Variants in MTUS2 observed in about 807,000 individuals in gnomAD.
MTUS2 encodes the protein microtubule-associated tumor suppressor candidate 2.
A neutral mutation model predicts 114.1 loss-of-function variants in MTUS2; 40 were observed. That is an observed-to-expected ratio of 0.35 (90% CI 0.27 to 0.46). MTUS2 has a LOEUF of 0.46. Ranked by LOEUF, MTUS2 falls within the 20% of genes least tolerant of loss-of-function variation. The probability of loss-of-function intolerance (pLI) is 1.00; values close to 1 mark genes in which losing one functional copy is unlikely to be tolerated. For synonymous variants in MTUS2, 688 were observed against 672.0 expected, an observed-to-expected ratio of 1.02 and a Z score of -0.37; for missense variants, 1,679 against 1,705.4, an observed-to-expected ratio of 0.98 and a Z score of 0.27.
chr13:29,499,204 G>A (rs902913969), intron 14 of MTUS2, among the ~76,000 whole-genome samples: 3 of 152,022 alleles, frequency 2.0e-5, no homozygotes, highest in Non-Finnish European at 2.9e-5. Context: ...ACCCACACTC[G>A]CCCACCTCAG....
intron 6 of MTUS2, among the ~76,000 whole-genome samples, chr13:29,321,363 T>A (rs955641831): frequency 2.0e-5 from 3 of 152,176 alleles, no homozygotes; most frequent in African/African-American, 7.2e-5. Context: ...AGGGATCTCA[T>A]TGAGTGAAAC....
At chr13:29,122,890 A>T (rs1891369382) in intron 5 of MTUS2, among the ~76,000 whole-genome samples, 1 of 152,236 alleles carries the variant, frequency 6.6e-6, no homozygotes, top group Non-Finnish European at 1.5e-5. Context: ...TCATTCCAGG[A>T]GGGAATTTTT....
At chr13:28,867,655 G>T (rs1001448230) in intron 2 of MTUS2, among the ~76,000 whole-genome samples, 39 of 152,118 alleles carry the variant, frequency 2.6e-4, no homozygotes, top group African/African-American at 8.0e-4. Flanking sequence ...ATAATAATAA[G>T]AATATTGGAA....
At chr13:29,492,512 C>A (rs1051141856) in intron 11 of MTUS2, 134 bp from the exon 12 acceptor site, 1 of 626,988 alleles carries the variant, frequency 1.6e-6, no homozygotes, top group Non-Finnish European at 2.8e-6. Flanking sequence ...GTGGAGGAGT[C>A]CCCTTAGGCT....
intron 5 of MTUS2, among the ~76,000 whole-genome samples, chr13:29,146,812 G>A (rs1237549810): frequency 6.6e-6 from 1 of 152,172 alleles, no homozygotes; most frequent in Non-Finnish European, 1.5e-5. Flanking sequence ...GACATGGGAA[G>A]CACAATATGT....
At chr13:29,209,562 A>G (rs754147920) in intron 5 of MTUS2, among the ~76,000 whole-genome samples, 10 of 147,996 alleles carry the variant, frequency 6.8e-5, no homozygotes, top group Non-Finnish European at 1.5e-4. Context: ...TTCTATTTTT[A>G]TATATTTTGA....
Position 29,504,991 on chromosome 13 carries a change from C to T in MTUS2, c.*1785C>T. The T allele has an allele frequency of 4.3e-6, 1 of 232,674 alleles. No individual in the cohort carries two copies. The highest frequency in any genetic ancestry group is 8.5e-6 in the Non-Finnish European group (1 of 117,674). The allele number at this position is 232,674 out of a possible 1,614,324, so 14.4% of individuals were successfully genotyped here. A position where few individuals can be genotyped will look rare whatever the true frequency, so the allele number is the denominator to read the frequency against. ...GATGAGTCCACGCTGGGCTTCCGGG[C>T]CTCAGGTGCATCTCCAGCCAACCTC... On this transcript the variant is annotated 3_prime_UTR_variant, in exon 16 of 16. Coordinates refer to ENST00000612955, the MANE Select transcript of MTUS2 (RefSeq NM_001033602.4).
At chr13:29,214,573 A>G (rs1478576524) in intron 5 of MTUS2, among the ~76,000 whole-genome samples, 2 of 152,168 alleles carry the variant, frequency 1.3e-5, no homozygotes, top group African/African-American at 4.8e-5. Context: ...AATATCTCTC[A>G]GCATTTGCTT....
intron 4 of MTUS2, among the ~76,000 whole-genome samples, chr13:29,086,884 T>A (rs181791081): frequency 6.6e-6 from 1 of 152,122 alleles, no homozygotes; most frequent in African/African-American, 2.4e-5. Flanking sequence ...GTGGCTATCA[T>A]GTTCTTGATT....
intron 5 of MTUS2, among the ~76,000 whole-genome samples, chr13:29,140,560 C>G (rs1296626447): frequency 6.6e-6 from 1 of 152,168 alleles, no homozygotes; most frequent in African/African-American, 2.4e-5. Flanking sequence ...TGGTGGTGTT[C>G]TGAACAAATT....
intron 9 of MTUS2, among the ~76,000 whole-genome samples, chr13:29,454,609 G>A (rs1395968983): frequency 2.6e-5 from 4 of 152,004 alleles, no homozygotes; most frequent in Admixed American, 6.6e-5. Flanking sequence ...AGAAAAGGCC[G>A]TAGCAAGGAA....
chr13:29,383,250 G>GTATATATATATATATTTATTTATTTA (rs763660299), intron 8 of MTUS2, among the ~76,000 whole-genome samples: 2,130 of 64,346 alleles, frequency 0.033, 30 homozygotes, highest in East Asian at 0.14. Context: ...GTGTGTGTGT[G>GTATATATATATATATTTATTTATTTA]TGTATTTATT....
chr13:28,992,910 A>G (rs141985471), intron 2 of MTUS2, among the ~76,000 whole-genome samples: 8 of 152,296 alleles, frequency 5.3e-5, no homozygotes, highest in Admixed American at 3.9e-4. Context: ...GCCCCTGGCA[A>G]TGACCATTTT....
intron 5 of MTUS2, among the ~76,000 whole-genome samples, chr13:29,239,113 C>T (rs1306252530): frequency 6.6e-6 from 1 of 152,134 alleles, no homozygotes; most frequent in African/African-American, 2.4e-5. Context: ...GTTCTCACCA[C>T]AGACACACAA....
At chr13:28,947,437 G>A (rs1198730407) in intron 2 of MTUS2, among the ~76,000 whole-genome samples, 1 of 152,086 alleles carries the variant, frequency 6.6e-6, no homozygotes, top group African/African-American at 2.4e-5. Context: ...TCTTTTGATA[G>A]ACATTAACTT....
intron 7 of MTUS2, among the ~76,000 whole-genome samples, chr13:29,347,595 C>G (rs992527522): frequency 1.3e-5 from 2 of 151,878 alleles, no homozygotes; most frequent in African/African-American, 4.8e-5. Flanking sequence ...GTTTCCACAC[C>G]AAGCAATTAT....
At chr13:28,970,482 A>G (rs1883802929) in intron 2 of MTUS2, among the ~76,000 whole-genome samples, 1 of 152,204 alleles carries the variant, frequency 6.6e-6, no homozygotes, top group South Asian at 2.1e-4. Flanking sequence ...TCACACTGCA[A>G]CAGCAGTTTA....
chr13:29,047,804 C>T (rs1887704947), intron 4 of MTUS2, among the ~76,000 whole-genome samples: 1 of 152,188 alleles, frequency 6.6e-6, no homozygotes, highest in Non-Finnish European at 1.5e-5. Context: ...GCCACCACGC[C>T]TGGCCAGAAT....
At chr13:28,997,000 T>C (rs1446106033) in intron 2 of MTUS2, among the ~76,000 whole-genome samples, 6 of 152,242 alleles carry the variant, frequency 3.9e-5, no homozygotes, top group Admixed American at 6.5e-5. Context: ...GTGTCAATTT[T>C]AGATCTTTCC....
Sources: gnomAD v4.1 joint callset for allele counts (sites outside exome capture counted in the v4.1 genomes callset) on GRCh38, gnomAD v4.1.1 for gene constraint, MANE v1.5 for transcripts, NCBI Gene and HGNC (gene_info 2026-07-23, HGNC 2026-07-21) for gene names.